Variants in HSPA12A observed in about 807,000 individuals in gnomAD.
HSPA12A encodes heat shock protein family A (Hsp70) member 12A.
Under a neutral mutation model 69.2 loss-of-function variants are expected in HSPA12A, and 28 were observed. The ratio of observed to expected loss-of-function variants is 0.40; its 90% confidence interval spans 0.30 to 0.55. The LOEUF (loss-of-function observed/expected upper bound fraction) is 0.55, where lower values mean the gene tolerates loss of function less well. HSPA12A is among the 20% of genes least tolerant of loss of function. The probability of loss-of-function intolerance (pLI) is 0.38; values close to 1 mark genes in which losing one functional copy is unlikely to be tolerated. For missense variants in HSPA12A, 686 were observed against 900.7 expected, an observed-to-expected ratio of 0.76 and a Z score of 3.05; for synonymous variants, 345 against 370.5, an observed-to-expected ratio of 0.93 and a Z score of 0.79.
intron 5 of HSPA12A, among the ~76,000 whole-genome samples, chr10:116,697,898 C>G (rs1554881073): frequency 6.6e-6 from 1 of 152,164 alleles, no homozygotes; most frequent in Non-Finnish European, 1.5e-5. Flanking sequence ...GGTGCCTGTT[C>G]TGGACATTTC....
At chr10:116,775,467 G>A (rs1777656021) in intron 2 of HSPA12A, among the ~76,000 whole-genome samples, 1 of 152,174 alleles carries the variant, frequency 6.6e-6, no homozygotes, top group Non-Finnish European at 1.5e-5. Flanking sequence ...AATGGCCAAT[G>A]TATTTTCTAG....
chr10:116,706,574 C>T (rs1850258440), intron 2 of HSPA12A, among the ~76,000 whole-genome samples: 1 of 152,184 alleles, frequency 6.6e-6, no homozygotes, highest in African/African-American at 2.4e-5. Flanking sequence ...CAAAGCTGCC[C>T]TGTCTTCCGG....
At chr10:116,805,042 C>T (rs1413984040) in intron 2 of HSPA12A, among the ~76,000 whole-genome samples, 4 of 152,236 alleles carry the variant, frequency 2.6e-5, no homozygotes, top group Non-Finnish European at 5.9e-5. Context: ...GTTGGACGGG[C>T]GCGGTGGCTC....
At chr10:116,787,825 T>A (rs1844610743) in intron 2 of HSPA12A, among the ~76,000 whole-genome samples, 1 of 151,860 alleles carries the variant, frequency 6.6e-6, no homozygotes, top group Non-Finnish European at 1.5e-5. Context: ...AGAAGTGGAG[T>A]GCCTGGTCAT....
intron 2 of HSPA12A, among the ~76,000 whole-genome samples, chr10:116,786,108 C>A (rs954529257): frequency 1.3e-5 from 2 of 152,294 alleles, no homozygotes; most frequent in South Asian, 2.1e-4. Flanking sequence ...CCACGTGGAG[C>A]CTCTCGGGTA....
rs782686950 is a variant in HSPA12A, at chr10:116,683,886, C to A, written c.740G>T (p.Arg247Leu). ...AATCATCTGGTGTAGCCGCAGCTTTCGGCAGTAGATAGAGGCTGCCTCAGG... is the reference window on the plus strand; with the variant it reads ...AATCATCTGGTGTAGCCGCAGCTTTAGGCAGTAGATAGAGGCTGCCTCAGG... The part of the protein sequence containing the change: ...LEPEAASIYC[R>L]KLRLHQMIEL... Residue 247 changes from arginine (R) to leucine (L), a missense_variant, in exon 7 of 12, where the codon CGA (arginine) becomes CTA (leucine). Transcript: ENST00000369209. 6.3e-7 allele frequency: 1 copy of A among 1,598,860 alleles called. No homozygotes were observed. The highest frequency in any genetic ancestry group is 1.3e-5 in the African/African-American group (1 of 74,662).
At chr10:116,828,699 C>T (rs1845556803) in intron 2 of HSPA12A, 2 of 152,302 alleles carry the variant, frequency 1.3e-5, no homozygotes, top group East Asian at 3.9e-4. Context: ...ACGTGCAGGG[C>T]CTTGTGTGAC....
At chr10:116,823,542 G>C (rs1191814033) in intron 2 of HSPA12A, among the ~76,000 whole-genome samples, 1 of 152,194 alleles carries the variant, frequency 6.6e-6, no homozygotes, top group South Asian at 2.1e-4. Context: ...TACTTGTATA[G>C]GGCTAGACAG....
chr10:116,812,484 A>C (rs1200283508), intron 2 of HSPA12A, among the ~76,000 whole-genome samples: 3 of 151,954 alleles, frequency 2.0e-5, no homozygotes, highest in Non-Finnish European at 2.9e-5. Context: ...AAATAAAATA[A>C]AATAAAATCA....
chr10:116,847,421 A>G (rs2133229927), intron 1 of HSPA12A, among the ~76,000 whole-genome samples: 1 of 152,308 alleles, frequency 6.6e-6, no homozygotes, highest in Non-Finnish European at 1.5e-5. Flanking sequence ...AACTTCCTAA[A>G]ACCCCACTTA....
Position 116,841,001 on chromosome 10 carries a change from C to T in HSPA12A, c.4-5979G>A, listed in dbSNP as rs1276635319. Among the ~76,000 whole-genome samples, 5 of 152,166 alleles carry T rather than the reference C, an allele frequency of 3.3e-5. No homozygotes were observed. In the South Asian group the frequency reaches 6.2e-4, roughly 19 times the overall value. ...AATAGAGTGAAGCCTGAGTTACTCA[C>T]GCTGCTTCCCTTGGCCGTATCTCTA... On this transcript the variant is annotated intron_variant, in intron 1 of 12. Coordinates refer to the HSPA12A transcript ENST00000635765.
intron 2 of HSPA12A, among the ~76,000 whole-genome samples, chr10:116,821,224 G>A (rs893786033): frequency 2.0e-5 from 3 of 152,214 alleles, no homozygotes; most frequent in Admixed American, 6.5e-5. Flanking sequence ...CCACCTCAGA[G>A]GAGAAGCTGG....
intron 1 of HSPA12A, among the ~76,000 whole-genome samples, chr10:116,738,640 A>G (rs1851384542): frequency 6.6e-6 from 1 of 152,170 alleles, no homozygotes; most frequent in African/African-American, 2.4e-5. Context: ...GGCCTCAACA[A>G]ACACTAGTTG....
chr10:116,730,813 A>G (rs1851127777), intron 1 of HSPA12A, among the ~76,000 whole-genome samples: 1 of 152,268 alleles, frequency 6.6e-6, no homozygotes, highest in African/African-American at 2.4e-5. Context: ...TCTGACACAG[A>G]CAGACTGAGG....
chr10:116,674,106 G>A lies in HSPA12A; in HGVS notation c.*675C>T, dbSNP rs1554877151. 1 of 152,028 alleles carries A rather than the reference G, an allele frequency of 6.6e-6. No homozygotes were observed. The highest frequency in any genetic ancestry group is 2.4e-5 in the African/African-American group (1 of 41,196). 9.4% of individuals were successfully genotyped at this position (152,028 alleles called of 1,614,324 possible). A position where few individuals can be genotyped will look rare whatever the true frequency, so the allele number is the denominator to read the frequency against. On this transcript the variant is annotated 3_prime_UTR_variant, in exon 12 of 12. Coordinates refer to ENST00000369209, the MANE Select transcript of HSPA12A (RefSeq NM_025015.3). Reference sequence around the variant, plus strand: ...AAGTTTTCACCTGCTAAGAATGTGAGGTATCAGCTCTCCTACTCACAAAAG... The same window carrying A: ...AAGTTTTCACCTGCTAAGAATGTGAAGTATCAGCTCTCCTACTCACAAAAG...
intron 2 of HSPA12A, among the ~76,000 whole-genome samples, chr10:116,817,741 G>A (rs1055994913): frequency 2.6e-5 from 4 of 152,112 alleles, no homozygotes; most frequent in Non-Finnish European, 4.4e-5. Flanking sequence ...AAGATAATCT[G>A]CAAATATGAA....
chr10:116,839,329 T>G (rs567609369), intron 1 of HSPA12A, among the ~76,000 whole-genome samples: 4 of 152,074 alleles, frequency 2.6e-5, no homozygotes, highest in Non-Finnish European at 5.9e-5. Flanking sequence ...TTCGCTCCCC[T>G]CCCCCACGAA....
In HSPA12A at chr10:116,681,173, T is replaced by G; in HGVS notation, c.1006A>C (p.Lys336Gln). The part of the protein sequence containing the change: ...HQIRLPEGHL[K>Q]ELYKATGGPY... The stretch of plus-strand genomic sequence containing the variant: ...TCACCTGTTGCTTTATACAGTTCCT[T>G]AAGGTGTCCCTCCGGTAACCGGATC... Residue 336 changes from lysine to glutamine, a missense_variant, in exon 9 of 12, where the codon AAG becomes CAG. Physicochemically the swap from Lys to Gln is moderately conservative, Grantham distance 53. Coordinates refer to ENST00000369209, the MANE Select transcript of HSPA12A (RefSeq NM_025015.3). The G allele has an allele frequency of 6.2e-7, 1 of 1,613,896 alleles. No individual in the cohort carries two copies. Among genetic ancestry groups the G allele is most frequent in the Non-Finnish European group, 8.5e-7 (1 of 1,179,770 alleles).
At chr10:116,712,977 AATATATATATATATATATATAT>A (rs56007651) in intron 1 of HSPA12A, among the ~76,000 whole-genome samples, 6 of 80,858 alleles carry the variant, frequency 7.4e-5, no homozygotes, top group African/African-American at 1.7e-4. Context: ...TAAAAAATGC[AATATATATATATATATATATAT>A]ATATATATAT....
Sources: gnomAD v4.1 joint callset for allele counts (sites outside exome capture counted in the v4.1 genomes callset) on GRCh38, gnomAD v4.1.1 for gene constraint, MANE v1.5 for transcripts, NCBI Gene and HGNC (gene_info 2026-07-23, HGNC 2026-07-21) for gene names.